The following CELF1 variants were observed in gnomAD, a reference collection of about 807,000 sequenced individuals.
The protein encoded by CELF1 is CUGBP Elav-like family member 1, also known as 50 kDa nuclear polyadenylated RNA-binding protein.
A neutral mutation model predicts 61.8 loss-of-function variants in CELF1; 10 were observed. The ratio of observed to expected loss-of-function variants is 0.16; its 90% CI spans 0.10 to 0.27. The LOEUF is 0.27. Among genes scored for constraint, CELF1 ranks in the 10% least tolerant of loss-of-function variants. The pLI is 1.00. For missense variants in CELF1, 380 were observed against 639.1 expected (o/e 0.59, Z 4.37); for synonymous variants, 236 against 225.1 (o/e 1.05, Z -0.43).
chr11:47,476,456 C>T (rs1428123833), intron 12 of CELF1, among the ~76,000 whole-genome samples: 3 of 152,100 alleles, frequency 2.0e-5, no homozygotes, highest in Non-Finnish European at 2.9e-5. Flanking sequence ...GACGGACTCT[C>T]GCTCTGTCAC....
chr11:47,530,322 G>C (rs2096423174), intron 1 of CELF1, among the ~76,000 whole-genome samples: 1 of 152,088 alleles, frequency 6.6e-6, no homozygotes. Flanking sequence ...TGAAAGACAA[G>C]AAGAAAATTC....
At chr11:47,518,752 C>T (rs897904075) in intron 1 of CELF1, among the ~76,000 whole-genome samples, 3 of 152,158 alleles carry the variant, frequency 2.0e-5, no homozygotes, top group Non-Finnish European at 4.4e-5. Context: ...GAGGCTGCTC[C>T]ACCTCTTAGG....
chr11:47,541,684 G>GTA (rs1555190309), intron 1 of CELF1, among the ~76,000 whole-genome samples: 4 of 102,114 alleles, frequency 3.9e-5, no homozygotes, highest in African/African-American at 4.5e-5. Context: ...GGGCGAGACT[G>GTA]TCAAAGAAAG....
intron 1 of CELF1, among the ~76,000 whole-genome samples, chr11:47,528,907 G>A (rs180868774): frequency 6.6e-6 from 1 of 151,534 alleles, no homozygotes; most frequent in Non-Finnish European, 1.5e-5. Context: ...AAAAAGAAAG[G>A]TAAAGCTTCC....
chr11:47,486,698 G>T, intron 6 of CELF1, 52 bp downstream of exon 6: 1 of 1,452,622 alleles, frequency 6.9e-7, no homozygotes, highest in Non-Finnish European at 9.7e-7. Flanking sequence ...GTGAGCCACC[G>T]TGCCTGGCCT....
chr11:47,524,573 C>T (rs1239701181), intron 1 of CELF1: 1 of 152,254 alleles, frequency 6.6e-6, no homozygotes, highest in Non-Finnish European at 1.5e-5. Context: ...CACAGACAGA[C>T]AGATGGATGC....
rs1435409345 is a variant in CELF1, at chr11:47,466,571, T to C, written c.*5659A>G. 2 of 152,108 alleles carry C rather than the reference T, an allele frequency of 1.3e-5. No individual in the cohort carries two copies. The highest frequency in any genetic ancestry group is 2.9e-5 in the Non-Finnish European group (2 of 68,006). 9.4% of individuals were successfully genotyped at this position (152,108 alleles called of 1,614,324 possible). On this transcript the variant is annotated 3_prime_UTR_variant, in exon 15 of 15. Transcript: ENST00000687097. ...CCAAAATGTAAAGTTTCTTTTTTTT[T>C]TTCTTTTTAAATTATTCACAAAAAG...
chr11:47,519,221 TG>T (rs1386728811), intron 1 of CELF1, among the ~76,000 whole-genome samples: 3 of 152,316 alleles, frequency 2.0e-5, no homozygotes, highest in Admixed American at 1.3e-4. Flanking sequence ...TTGGCTGGCC[TG>T]TAATCCCAGC....
chr11:47,540,152 T>C (rs2096737860), intron 1 of CELF1, among the ~76,000 whole-genome samples: 1 of 152,170 alleles, frequency 6.6e-6, no homozygotes, highest in Non-Finnish European at 1.5e-5. Context: ...AGTAAGGCAG[T>C]TTCCATCCTC....
At chr11:47,478,463 T>G (rs1180534562) in intron 10 of CELF1, among the ~76,000 whole-genome samples, 1 of 152,234 alleles carries the variant, frequency 6.6e-6, no homozygotes, top group African/African-American at 2.4e-5. Flanking sequence ...ACCAAATGCC[T>G]GGGTTCTAGA....
At chr11:47,551,206 T>C (rs1248178283) in intron 1 of CELF1, among the ~76,000 whole-genome samples, 1 of 152,062 alleles carries the variant, frequency 6.6e-6, no homozygotes, top group Non-Finnish European at 1.5e-5. Context: ...AAGAAAACCC[T>C]GGGTTTTCTT....
intron 1 of CELF1, among the ~76,000 whole-genome samples, chr11:47,534,208 C>G (rs1598210311): frequency 6.6e-6 from 1 of 150,700 alleles, no homozygotes; most frequent in South Asian, 2.1e-4. Context: ...TTTTGTATTT[C>G]TAGTAGAGAT....
upstream of CELF1, among the ~76,000 whole-genome samples, chr11:47,557,992 AT>A (rs1420744164): frequency 6.6e-6 from 1 of 152,020 alleles, no homozygotes; most frequent in Non-Finnish European, 1.5e-5. Context: ...AGTAACTGGA[AT>A]TACCTGTACC....
chr11:47,513,020 C>T (rs577751289), intron 1 of CELF1, among the ~76,000 whole-genome samples: 1 of 152,356 alleles, frequency 6.6e-6, no homozygotes, highest in South Asian at 2.1e-4. Context: ...AAGGGGTTCA[C>T]AACCATTCTT....
chr11:47,554,820 C>T (rs564272386), upstream of CELF1, among the ~76,000 whole-genome samples: 1 of 152,156 alleles, frequency 6.6e-6, no homozygotes, highest in Admixed American at 6.6e-5. Context: ...TGCCACGATG[C>T]CTGACTAATT....
intron 2 of CELF1, among the ~76,000 whole-genome samples, chr11:47,560,965 C>T (rs1049984687): frequency 2.0e-5 from 3 of 147,454 alleles, no homozygotes; most frequent in Non-Finnish European, 3.0e-5. Context: ...GGTGAAACCC[C>T]GTCTCTACTA....
chr11:47,552,563 G>A (rs1240735119), intron 1 of CELF1, among the ~76,000 whole-genome samples: 1 of 152,206 alleles, frequency 6.6e-6, no homozygotes, highest in African/African-American at 2.4e-5. Context: ...CCACAGGAGT[G>A]GACACTAAGA....
chr11:47,552,686 C>T (rs2097171996), intron 1 of CELF1, among the ~76,000 whole-genome samples: 1 of 152,220 alleles, frequency 6.6e-6, no homozygotes, highest in Non-Finnish European at 1.5e-5. Context: ...GGCACGAGGC[C>T]TCTGAGCCTA....
chr11:47,517,368 G>A (rs2095615884), intron 1 of CELF1, among the ~76,000 whole-genome samples: 2 of 151,848 alleles, frequency 1.3e-5, no homozygotes, highest in Admixed American at 6.6e-5. Flanking sequence ...ATGCAAAGGG[G>A]CATTCATAAG....
Sources: gnomAD v4.1 joint callset for allele counts (sites outside exome capture counted in the v4.1 genomes callset) on GRCh38, gnomAD v4.1.1 for gene constraint, MANE v1.5 for transcripts, NCBI Gene and HGNC (gene_info 2026-07-23, HGNC 2026-07-21) for gene names.